The following TRAM1 variants were observed in gnomAD, a reference collection of about 807,000 sequenced individuals.
The protein encoded by TRAM1 is translocation associated membrane protein 1, also known as translocating chain-associated membrane protein 1.
Under a neutral mutation model 48.7 loss-of-function variants are expected in TRAM1, and 17 were observed. The observed-to-expected ratio is 0.35, with a 90% CI of 0.24 to 0.52. TRAM1 has a LOEUF of 0.52. Ranked by LOEUF, TRAM1 falls within the 20% of genes least tolerant of loss-of-function variation. The pLI, the probability that TRAM1 is intolerant of heterozygous loss-of-function variation, is 0.94. For synonymous variants in TRAM1, 182 were observed against 154.0 expected (o/e 1.18, Z -1.34); for missense variants, 351 against 441.5 (o/e 0.79, Z 1.84).
intron 1 of TRAM1, among the ~76,000 whole-genome samples, chr8:70,600,304 C>G (rs141102714): frequency 6.6e-6 from 1 of 152,096 alleles, no homozygotes; most frequent in Admixed American, 6.5e-5. Flanking sequence ...TGTAATTCAT[C>G]CTTAATTTTA....
rs1817573317 is a variant in TRAM1 at position 70,600,061 on chromosome 8, T to C, written c.145A>G (p.Ile49Val). 6.2e-7 allele frequency: 1 copy of C among 1,613,850 alleles called. No homozygotes were observed. The highest frequency in any genetic ancestry group is 8.5e-7 in the Non-Finnish European group (1 of 1,179,822). ...MFEITAKASI[I>V]FVTLQYNVTL... ...ACATTGTACTGAAGAGTAACAAAAA[T>C]GATAGAAGCTTTTGCCGTTATCTAC... The change falls in exon 2 of 11, where the codon ATT becomes GTT. Residue 49 changes from isoleucine to valine, a missense_variant. Coordinates refer to ENST00000262213, the MANE Select transcript of TRAM1 (RefSeq NM_014294.6).
Position 70,599,525 on chromosome 8 carries a change from T to C in TRAM1, c.187+494A>G, listed in dbSNP as rs948397856. On this transcript the variant is annotated intron_variant, in intron 2 of 10. Transcript: ENST00000262213. ...TAATAGTTTGGATGCTATTACCAGA[T>C]AATTCCTAGAGCTTACTAACACATT... 1.7e-4 allele frequency among the ~76,000 whole-genome samples: 26 copies of C among 152,210 alleles called. 1 individual carries two copies. The highest frequency in any genetic ancestry group is 1.5e-3 in the Admixed American group (23 of 15,276).
At chr8:70,596,483 T>A (rs928602332) in intron 4 of TRAM1, among the ~76,000 whole-genome samples, 162 bp from the exon 5 acceptor site, 1 of 152,154 alleles carries the variant, frequency 6.6e-6, no homozygotes, top group African/African-American at 2.4e-5. Flanking sequence ...TCAAGCCAAT[T>A]TGAGTTGGTT....
At position 70,574,676 on chromosome 8, in the gene TRAM1, TAAAAACA is replaced by T. The variant is rs1411821055; in HGVS notation, c.*249_*255del. 4 of 295,296 alleles carry T rather than the reference TAAAAACA, an allele frequency of 1.4e-5. No individual in the cohort carries two copies. The highest frequency in any genetic ancestry group is 2.5e-5 in the Non-Finnish European group (4 of 161,392). 18.3% of individuals were successfully genotyped at this position (295,296 alleles called of 1,614,324 possible). On this transcript the variant is annotated 3_prime_UTR_variant, in exon 11 of 11. Transcript: ENST00000262213. ...AAATCATTAGAAAAATGTTCAAAAA[TAAAAACA>T]AAATAAAATATGGTGGTGGTCCCTA...
intron 10 of TRAM1, among the ~76,000 whole-genome samples, chr8:70,577,869 C>T (rs138540732): frequency 2.1e-4 from 32 of 152,336 alleles, no homozygotes; most frequent in Middle Eastern, 6.8e-3. Flanking sequence ...GTCCCTGCAG[C>T]GGAAGCCGCA....
At chr8:70,590,320 T>C (rs1366338614) in intron 6 of TRAM1, among the ~76,000 whole-genome samples, 1 of 152,208 alleles carries the variant, frequency 6.6e-6, no homozygotes, top group African/African-American at 2.4e-5. Context: ...AAAACACTAT[T>C]ATAAATTACA....
At chr8:70,603,372 C>T (rs1286083430) in intron 1 of TRAM1, among the ~76,000 whole-genome samples, 3 of 151,692 alleles carry the variant, frequency 2.0e-5, no homozygotes, top group African/African-American at 7.3e-5. Flanking sequence ...TCCCTGTTTC[C>T]AGTTTGTAAT....
rs770564602 is a variant in TRAM1 at position 70,575,025 on chromosome 8, C to T, written c.1052-20G>A. 1 of 1,540,576 alleles carries T rather than the reference C, an allele frequency of 6.5e-7. No individual in the cohort carries two copies. Among genetic ancestry groups the T allele is most frequent in the African/African-American group, 1.4e-5 (1 of 72,742 alleles). ...CATTTTCTGCAAAAAGAAAAGAATC[C>T]ATGTTACTCTCTTTTATAAATAAAT... is the stretch of plus-strand genomic sequence containing the variant. On this transcript the variant is annotated intron_variant, in intron 10 of 10. Transcript: ENST00000262213.
In TRAM1 at chr8:70,574,856, G is replaced by C. The variant is rs1360303091; in HGVS notation, c.*76C>G. On this transcript the variant is annotated 3_prime_UTR_variant, in exon 11 of 11. Coordinates refer to ENST00000262213, the MANE Select transcript of TRAM1 (RefSeq NM_014294.6). Reference sequence around the variant, plus strand: ...AGCACAGACTGTATTTTCAAGAACAGAAAAATCTCTAATGCTGAAAGATAT... The same window carrying C: ...AGCACAGACTGTATTTTCAAGAACACAAAAATCTCTAATGCTGAAAGATAT... 3.7e-6 allele frequency: 4 copies of C among 1,069,790 alleles called. No homozygotes were observed. Among genetic ancestry groups the C allele is most frequent in the Non-Finnish European group, 5.6e-6 (4 of 718,804 alleles). The allele number at this position is 1,069,790 out of a possible 1,614,324, so 66.3% of individuals were successfully genotyped here.
intron 1 of TRAM1, chr8:70,607,690 C>A: frequency 1.2e-5 from 1 of 85,530 alleles, no homozygotes; most frequent in Non-Finnish European, 3.6e-5. Flanking sequence ...CCCACCCGCC[C>A]CGAGCCAGCT....
intron 5 of TRAM1, 53 bp from the exon 6 acceptor site, chr8:70,594,643 A>G (rs1379837926): frequency 3.5e-6 from 5 of 1,417,022 alleles, no homozygotes; most frequent in East Asian, 4.8e-5. Flanking sequence ...TTTTTTTAAA[A>G]AAAAGTAAAC....
intron 1 of TRAM1, among the ~76,000 whole-genome samples, chr8:70,603,157 G>T (rs1398192308): frequency 6.6e-6 from 1 of 152,034 alleles, no homozygotes; most frequent in East Asian, 1.9e-4. Context: ...AGTCTCCAGG[G>T]CAACACTACT....
Position 70,583,264 on chromosome 8 carries a change from A to G in TRAM1, c.951T>C (p.Asn317=). The part of the protein sequence containing the change: ...TQAFMMWKFI[N]FQLRRWREHS... ...GTTCCCTCCACCTTCGAAGCTGAAA[A>G]TTAATGAACTTCCACATCATAAATG... The change falls in exon 10 of 11, where the codon AAT becomes AAC. Residue 317 remains asparagine (N), a synonymous_variant. Coordinates refer to ENST00000262213, the MANE Select transcript of TRAM1 (RefSeq NM_014294.6). The G allele has an allele frequency of 1.2e-6, 2 of 1,614,012 alleles. No individual in the cohort carries two copies. Among genetic ancestry groups the G allele is most frequent in the Non-Finnish European group, 1.7e-6 (2 of 1,179,994 alleles).
chr8:70,596,670 A>C (rs268624), intron 4 of TRAM1, among the ~76,000 whole-genome samples: 49,637 of 151,852 alleles, frequency 0.33, 8,604 homozygotes, highest in East Asian at 0.64. Context: ...TGTCTTAGGT[A>C]ATCAGAAGAT....
At chr8:70,581,670 A>G (rs1817076511) in intron 10 of TRAM1, among the ~76,000 whole-genome samples, 1 of 152,260 alleles carries the variant, frequency 6.6e-6, no homozygotes, top group African/African-American at 2.4e-5. Context: ...AAATGTTCAC[A>G]GCATCACGAT....
intron 10 of TRAM1, among the ~76,000 whole-genome samples, chr8:70,577,711 CAAGAAA>C (rs1816988520): frequency 6.6e-6 from 1 of 152,216 alleles, no homozygotes; most frequent in Non-Finnish European, 1.5e-5. Context: ...TTGTGGATGA[CAAGAAA>C]GAGAGAAGAG....
intron 4 of TRAM1, among the ~76,000 whole-genome samples, chr8:70,596,559 C>A (rs1034409502): frequency 6.6e-6 from 1 of 151,920 alleles, no homozygotes; most frequent in South Asian, 2.1e-4. Context: ...TAATTCCTGG[C>A]CCTAAAAAAT....
At chr8:70,585,440 C>A (rs1439214531) in intron 8 of TRAM1, among the ~76,000 whole-genome samples, 1 of 151,980 alleles carries the variant, frequency 6.6e-6, no homozygotes, top group Non-Finnish European at 1.5e-5. Context: ...TCTAATTAAA[C>A]TAAAGAGCTC....
chr8:70,606,084 G>C (rs1817712254), intron 1 of TRAM1, among the ~76,000 whole-genome samples: 1 of 152,148 alleles, frequency 6.6e-6, no homozygotes, highest in Non-Finnish European at 1.5e-5. Context: ...GATGGTTTAT[G>C]ACAAGTTACA....
Sources: allele counts gnomAD v4.1 joint callset (sites outside exome capture counted in the v4.1 genomes callset), GRCh38; gene constraint gnomAD v4.1.1; transcripts MANE v1.5; gene names NCBI Gene and HGNC (gene_info 2026-07-23, HGNC 2026-07-21).